EPHB2: variants seen among roughly 807,000 people sequenced by gnomAD.
The protein encoded by EPHB2 is ephrin type-B receptor 2.
Under a neutral mutation model 96.4 loss-of-function variants are expected in EPHB2, and 18 were observed. That is an observed-to-expected ratio of 0.19 (90% CI 0.13 to 0.28). The LOEUF (loss-of-function observed/expected upper bound fraction) is 0.28, where lower values mean the gene tolerates loss of function less well. Ranked by LOEUF, EPHB2 falls within the 10% of genes least tolerant of loss-of-function variation. The pLI, the probability that EPHB2 is intolerant of heterozygous loss-of-function variation, is 1.00. For synonymous variants in EPHB2, 506 were observed against 534.1 expected (o/e 0.95, Z 0.72); for missense variants, 989 against 1,355.4 (o/e 0.73, Z 4.25).
At chr1:22,870,570 T>G (rs997794705) in intron 5 of EPHB2, among the ~76,000 whole-genome samples, 3 of 152,162 alleles carry the variant, frequency 2.0e-5, no homozygotes, top group Non-Finnish European at 4.4e-5. Flanking sequence ...AGGTGGTGTT[T>G]AAGCTGAGGT....
intron 3 of EPHB2, among the ~76,000 whole-genome samples, chr1:22,862,494 G>A (rs935941649): frequency 6.6e-6 from 1 of 152,114 alleles, no homozygotes; most frequent in Admixed American, 6.5e-5. Context: ...GCTTGTCTGG[G>A]GCTGCACAGC....
At chr1:22,781,177 G>A (rs997282907) in intron 1 of EPHB2, among the ~76,000 whole-genome samples, 2 of 151,868 alleles carry the variant, frequency 1.3e-5, no homozygotes, top group African/African-American at 4.8e-5. Flanking sequence ...AAAATTAGCC[G>A]GGCGTGGTTG....
At chr1:22,830,919 T>C (rs1384690442) in intron 3 of EPHB2, among the ~76,000 whole-genome samples, 2 of 152,128 alleles carry the variant, frequency 1.3e-5, no homozygotes, top group Non-Finnish European at 2.9e-5. Context: ...AATCACCCCA[T>C]TTTACAGGTA....
intron 3 of EPHB2, among the ~76,000 whole-genome samples, chr1:22,848,409 C>T (rs1187638973): frequency 6.6e-6 from 1 of 152,166 alleles, no homozygotes; most frequent in Non-Finnish European, 1.5e-5. Flanking sequence ...CGGTGGACCT[C>T]CTTAAAATGT....
intron 4 of EPHB2, among the ~76,000 whole-genome samples, chr1:22,863,601 A>G (rs1638355731): frequency 6.6e-6 from 1 of 152,232 alleles, no homozygotes; most frequent in Non-Finnish European, 1.5e-5. Context: ...ACGCAGCGTC[A>G]CAACCCCTGT....
intron 3 of EPHB2, among the ~76,000 whole-genome samples, chr1:22,835,553 G>GGGCATGCTTTCATACATGTA (rs1553168803): frequency 6.6e-6 from 1 of 152,198 alleles, no homozygotes; most frequent in East Asian, 1.9e-4. Context: ...GCATGCATGT[G>GGGCATGCTTTCATACATGTA]GGCATGCTTT....
At chr1:22,799,885 G>T (rs1644817919) in intron 3 of EPHB2, among the ~76,000 whole-genome samples, 2 of 152,198 alleles carry the variant, frequency 1.3e-5, no homozygotes, top group Non-Finnish European at 2.9e-5. Context: ...GACCTGTCAG[G>T]GTTATACTGG....
chr1:22,757,970 G>A (rs1490811640), intron 1 of EPHB2, among the ~76,000 whole-genome samples: 1 of 141,888 alleles, frequency 7.0e-6, no homozygotes, highest in Non-Finnish European at 1.5e-5. Context: ...CCAGGCTGGA[G>A]TGCAGTGGCG....
intron 3 of EPHB2, among the ~76,000 whole-genome samples, chr1:22,816,820 G>C (rs757569148): frequency 3.3e-5 from 5 of 152,220 alleles, no homozygotes; most frequent in Non-Finnish European, 7.3e-5. Flanking sequence ...TGAGTGATTT[G>C]CCTAAGGTCA....
In EPHB2 at chr1:22,758,211, C is replaced by A. The variant is rs143213208; in HGVS notation, c.62-23210C>A. ...GGGATTACAGGCGTGAGCCACCGCG[C>A]CCGGCCTAAGTTATGCTTTTAGGTG... On this transcript the variant is annotated intron_variant, in intron 1 of 15. Transcript: ENST00000374630. Among the ~76,000 whole-genome samples, 1,029 of 151,726 alleles carry A rather than the reference C, an allele frequency of 6.8e-3. 14 individuals carry two copies. The highest frequency in any genetic ancestry group is 0.024 in the African/African-American group (976 of 41,402).
At position 22,790,671 on chromosome 1, in the gene EPHB2, G is replaced by T. The variant is rs1644677449; in HGVS notation, c.811+5595G>T. On this transcript the variant is annotated intron_variant, in intron 3 of 15. Coordinates refer to ENST00000374630, the MANE Select transcript of EPHB2 (RefSeq NM_017449.5). This position sits in a 1 kb window ranked among gnomAD's most constrained non-coding sequence, Gnocchi z 4.0. ...CAACCTAGCCTTCTTTGGGGACCTT[G>T]CTCTGTTCTCTCCCAGTGGCCAACC... 6.6e-6 allele frequency among the ~76,000 whole-genome samples: 1 copy of T among 152,202 alleles called. No individual in the cohort carries two copies. The highest frequency in any genetic ancestry group is 1.5e-5 in the Non-Finnish European group (1 of 68,042).
intron 1 of EPHB2, among the ~76,000 whole-genome samples, chr1:22,712,637 C>T (rs567386345): frequency 2.0e-5 from 3 of 152,304 alleles, no homozygotes; most frequent in South Asian, 4.1e-4. Context: ...AGCTGTCCTT[C>T]GGCTCCTGGG....
At chr1:22,738,720 A>G (rs1456237096) in intron 1 of EPHB2, among the ~76,000 whole-genome samples, 3 of 152,200 alleles carry the variant, frequency 2.0e-5, no homozygotes, top group African/African-American at 7.2e-5. Context: ...CCTTGCATTC[A>G]ACAATTGTTT....
intron 1 of EPHB2, among the ~76,000 whole-genome samples, chr1:22,731,352 C>T (rs1643707111): frequency 6.6e-6 from 1 of 151,622 alleles, no homozygotes; most frequent in African/African-American, 2.4e-5. Context: ...GGGGGCTGCA[C>T]TGGGGGATTA....
At chr1:22,752,200 G>A (rs1644074045) in intron 1 of EPHB2, among the ~76,000 whole-genome samples, 1 of 152,366 alleles carries the variant, frequency 6.6e-6, no homozygotes, top group Admixed American at 6.5e-5. Context: ...AGAAAAGTGT[G>A]CAACACTCTA....
At chr1:22,890,350 G>A (rs1220150670) in intron 6 of EPHB2, among the ~76,000 whole-genome samples, 1 of 152,152 alleles carries the variant, frequency 6.6e-6, no homozygotes, top group Non-Finnish European at 1.5e-5. Flanking sequence ...AGATGATCTG[G>A]CTTGGCAAAA....
chr1:22,762,419 T>C (rs540298256), intron 1 of EPHB2, among the ~76,000 whole-genome samples: 1 of 152,174 alleles, frequency 6.6e-6, no homozygotes, highest in Admixed American at 6.5e-5. Flanking sequence ...TCTGGGGGCC[T>C]GGAAACCAGG....
chr1:22,784,001 T>G lies in EPHB2; in HGVS notation c.127-391T>G, dbSNP rs1644571980. On this transcript the variant is annotated intron_variant, in intron 2 of 15. Transcript: ENST00000374630. This position sits in a 1 kb window ranked among gnomAD's most constrained non-coding sequence, Gnocchi z 5.1. ...ACAGGGAGCTCCCCGAGGGCAGAGGTCCTGTCTCCTCCATCAGACTGGTAG... is the reference window on the plus strand; with the variant it reads ...ACAGGGAGCTCCCCGAGGGCAGAGGGCCTGTCTCCTCCATCAGACTGGTAG... Among the ~76,000 whole-genome samples the G allele has an allele frequency of 6.6e-6, 1 of 151,904 alleles. No homozygotes were observed. Among genetic ancestry groups the G allele is most frequent in the Non-Finnish European group, 1.5e-5 (1 of 67,946 alleles).
chr1:22,752,051 A>C (rs1191250199), intron 1 of EPHB2, among the ~76,000 whole-genome samples: 1 of 152,030 alleles, frequency 6.6e-6, no homozygotes, highest in Non-Finnish European at 1.5e-5. Context: ...TCATTTCTCC[A>C]CTCCCAGCCT....
Sources: gnomAD v4.1 joint callset for allele counts (sites outside exome capture counted in the v4.1 genomes callset) on GRCh38, gnomAD v4.1.1 for gene constraint, Gnocchi (gnomAD v3.1) non-coding constraint, MANE v1.5 for transcripts, NCBI Gene and HGNC (gene_info 2026-07-23, HGNC 2026-07-21) for gene names.